Variants in SLC67A1 observed in about 807,000 individuals in gnomAD.
The protein encoded by SLC67A1 is solute carrier family 67 member A1.
At chr11:2,906,590 T>C in the SLC67A1 span, among the ~76,000 whole-genome samples, 1 of 152,036 alleles carries the variant, frequency 6.6e-6, no homozygotes, top group East Asian at 1.9e-4. Context: ...CTGGAAACCA[T>C]CATTCTGAGC....
chr11:2,902,542 C>T, the SLC67A1 span: 1 of 983,946 alleles, frequency 1.0e-6, no homozygotes, highest in African/African-American at 1.7e-5. Flanking sequence ...CCCGGACCCT[C>T]AGGGGTCTCC....
At chr11:2,917,958 T>A in the SLC67A1 span, 29 of 1,568,964 alleles carry the variant, frequency 1.8e-5, no homozygotes, top group Non-Finnish European at 2.5e-5. Context: ...ACAATGGCCT[T>A]TGCAGGCCTG....
At chr11:2,906,990 G>T in the SLC67A1 span, among the ~76,000 whole-genome samples, 1 of 151,990 alleles carries the variant, frequency 6.6e-6, no homozygotes, top group African/African-American at 2.4e-5. Flanking sequence ...TGATTGTCAG[G>T]TCAAGCTCAC....
the SLC67A1 span, among the ~76,000 whole-genome samples, chr11:2,901,774 C>T: frequency 6.6e-6 from 1 of 152,196 alleles, no homozygotes; most frequent in Non-Finnish European, 1.5e-5. Context: ...GGGCCCAGAG[C>T]TGTCTCCTGG....
the SLC67A1 span, among the ~76,000 whole-genome samples, chr11:2,905,821 C>T: frequency 0.33 from 50,677 of 152,024 alleles, 8,752 homozygotes; most frequent in African/African-American, 0.4. Flanking sequence ...AGGATGTGAG[C>T]ATGCTCCATT....
the SLC67A1 span, among the ~76,000 whole-genome samples, chr11:2,923,259 C>T: frequency 6.6e-6 from 1 of 152,104 alleles, no homozygotes; most frequent in Non-Finnish European, 1.5e-5. The surrounding 1 kb of genome is among the most constrained non-coding windows in gnomAD (Gnocchi z 6.5). Context: ...CCAGGCCTCC[C>T]CAGCAGCAGA....
the SLC67A1 span, among the ~76,000 whole-genome samples, chr11:2,917,623 C>T: frequency 6.6e-6 from 1 of 152,240 alleles, no homozygotes; most frequent in East Asian, 1.9e-4. Flanking sequence ...GCCCCAGGCC[C>T]CAGGCCAGGA....
the SLC67A1 span, chr11:2,920,500 T>C: frequency 6.6e-6 from 1 of 152,318 alleles, no homozygotes; most frequent in Non-Finnish European, 1.5e-5. Context: ...GGGCCTGCCA[T>C]GGCTGCAGTG....
At chr11:2,901,182 C>A in the SLC67A1 span, among the ~76,000 whole-genome samples, 2 of 152,160 alleles carry the variant, frequency 1.3e-5, no homozygotes, top group African/African-American at 2.4e-5. Flanking sequence ...GCTTCTGAGG[C>A]CTTCATTTTG....
At chr11:2,907,450 A>G in the SLC67A1 span, among the ~76,000 whole-genome samples, 2 of 152,052 alleles carry the variant, frequency 1.3e-5, no homozygotes, top group Non-Finnish European at 2.9e-5. This position sits in a 1 kb window ranked among gnomAD's most constrained non-coding sequence, Gnocchi z 6.7. Flanking sequence ...GATTTTTACA[A>G]CGTCATCCAT....
chr11:2,909,538 G>T, the SLC67A1 span: 8 of 1,505,154 alleles, frequency 5.3e-6, no homozygotes, highest in Admixed American at 1.3e-4. Flanking sequence ...GGGCCCCACC[G>T]AGGGGCTTTC....
chr11:2,925,245 G>T, the SLC67A1 span: 12 of 1,554,892 alleles, frequency 7.7e-6, no homozygotes, highest in Non-Finnish European at 1.1e-5. The surrounding 1 kb of genome is among the most constrained non-coding windows in gnomAD (Gnocchi z 6.5). Flanking sequence ...AAATCCCTCC[G>T]ACCTCTTCCG....
the SLC67A1 span, among the ~76,000 whole-genome samples, chr11:2,900,299 A>G: frequency 6.6e-6 from 1 of 152,296 alleles, no homozygotes; most frequent in African/African-American, 2.4e-5. Context: ...CTTGCTAAGA[A>G]ACCACCTCAC....
At chr11:2,909,559 T>C in the SLC67A1 span, 1 of 1,518,360 alleles carries the variant, frequency 6.6e-7, no homozygotes, top group Non-Finnish European at 8.8e-7. Flanking sequence ...GCCGCTCAGC[T>C]CCCCCGCCCC....
chr11:2,919,365 C>A, the SLC67A1 span: 3 of 1,613,934 alleles, frequency 1.9e-6, no homozygotes, highest in Non-Finnish European at 2.5e-6. Flanking sequence ...TGGAGGCCGC[C>A]CAAGCTGGCT....
At chr11:2,914,189 A>C in the SLC67A1 span, among the ~76,000 whole-genome samples, 1 of 152,226 alleles carries the variant, frequency 6.6e-6, no homozygotes, top group Admixed American at 6.5e-5. Flanking sequence ...CAACTGAAAG[A>C]GCAGGAGGAG....
the SLC67A1 span, chr11:2,899,826 A>G: frequency 9.4e-7 from 1 of 1,064,564 alleles, no homozygotes; most frequent in Non-Finnish European, 1.3e-6. Context: ...CAGCATCTCC[A>G]CCACACCTCA....
the SLC67A1 span, among the ~76,000 whole-genome samples, chr11:2,913,472 C>T: frequency 3.3e-5 from 5 of 152,096 alleles, no homozygotes; most frequent in Admixed American, 3.3e-4. Context: ...GGACCAGGTA[C>T]GAGGAGACAC....
chr11:2,921,854 CT>C, the SLC67A1 span: 1 of 537,912 alleles, frequency 1.9e-6, no homozygotes, highest in South Asian at 2.6e-5. Flanking sequence ...TGGTGTGGGC[CT>C]TTCCTTCCTC....
Sources: allele counts gnomAD v4.1 joint callset (sites outside exome capture counted in the v4.1 genomes callset), GRCh38; gene constraint gnomAD v4.1.1; non-coding constraint Gnocchi (gnomAD v3.1); transcripts MANE v1.5; gene names NCBI Gene and HGNC (gene_info 2026-07-23, HGNC 2026-07-21).